The following ETFA variants were observed in gnomAD, a reference collection of about 807,000 sequenced individuals.
ETFA encodes electron transfer flavoprotein subunit alpha, mitochondrial.
ETFA carries 22 observed loss-of-function variants against 46.2 expected under a neutral mutation model. The ratio of observed to expected loss-of-function variants is 0.48; its 90% CI spans 0.34 to 0.68. ETFA has a LOEUF of 0.68. Ranked by LOEUF, ETFA falls within the 30% of genes least tolerant of loss-of-function variation. The pLI is 0.01. For synonymous variants in ETFA, 131 were observed against 139.9 expected (o/e 0.94, Z 0.45); for missense variants, 345 against 401.1 (o/e 0.86, Z 1.19).
intron 1 of ETFA, among the ~76,000 whole-genome samples, chr15:76,308,955 T>C (rs2039962318): frequency 6.6e-6 from 1 of 152,258 alleles, no homozygotes; most frequent in Non-Finnish European, 1.5e-5. Flanking sequence ...ACTGCTAACA[T>C]GCTGGGAAAA....
chr15:76,263,868 G>A (rs1223744867), intron 9 of ETFA, among the ~76,000 whole-genome samples: 1 of 152,170 alleles, frequency 6.6e-6, no homozygotes, highest in Non-Finnish European at 1.5e-5. Context: ...ACTAAAAAAA[G>A]TATGTTTTAC....
intron 10 of ETFA, chr15:76,230,952 C>G (rs532073435): frequency 1.1e-5 from 2 of 182,390 alleles, no homozygotes; most frequent in East Asian, 3.0e-4. Context: ...ATAAGTTACA[C>G]GTTCAGAACC....
At chr15:76,252,371 C>T (rs901696875) in intron 9 of ETFA, among the ~76,000 whole-genome samples, 8 of 152,126 alleles carry the variant, frequency 5.3e-5, no homozygotes, top group African/African-American at 1.9e-4. Flanking sequence ...TTTATTTACA[C>T]ACTCTCACCT....
At chr15:76,258,285 C>T (rs903796985) in intron 9 of ETFA, among the ~76,000 whole-genome samples, 7 of 152,156 alleles carry the variant, frequency 4.6e-5, no homozygotes, top group Non-Finnish European at 8.8e-5. Flanking sequence ...GGGCAAGCCT[C>T]ATAGCACCCC....
At chr15:76,281,925 A>C (rs2039657770) in intron 8 of ETFA, among the ~76,000 whole-genome samples, 1 of 107,174 alleles carries the variant, frequency 9.3e-6, no homozygotes, top group Non-Finnish European at 1.8e-5. Flanking sequence ...TTTTTTCCAG[A>C]CGGCATCTCA....
chr15:76,287,985 G>A, intron 4 of ETFA, 40 bp from the exon 5 acceptor site: 2 of 1,200,948 alleles, frequency 1.7e-6, no homozygotes, highest in Non-Finnish European at 2.5e-6. Context: ...CACATACATA[G>A]TGATGGAAGA....
chr15:76,296,745 T>C (rs1282403430), intron 1 of ETFA, among the ~76,000 whole-genome samples: 2 of 152,328 alleles, frequency 1.3e-5, no homozygotes, highest in South Asian at 2.1e-4. Flanking sequence ...TTCATGGTCA[T>C]GTGGAATAAT....
chr15:76,260,567 A>G (rs1487243698), intron 9 of ETFA: 1 of 1,497,080 alleles, frequency 6.7e-7, no homozygotes, highest in Non-Finnish European at 9.2e-7. Context: ...AGCCTGTCAA[A>G]TTGGCCCTGG....
chr15:76,290,071 T>G (rs924952695), intron 4 of ETFA, among the ~76,000 whole-genome samples: 10 of 152,314 alleles, frequency 6.6e-5, no homozygotes, highest in Admixed American at 6.5e-4. Context: ...AATGTTAAAA[T>G]GTATACTACC....
chr15:76,291,203 T>C (rs1199788952), intron 4 of ETFA, among the ~76,000 whole-genome samples: 1 of 151,678 alleles, frequency 6.6e-6, no homozygotes, highest in African/African-American at 2.4e-5. Context: ...GCAACAGAGC[T>C]AGGCTGAAGC....
intron 3 of ETFA, 40 bp from the exon 4 acceptor site, chr15:76,292,553 T>G (rs1053673444): frequency 6.3e-7 from 1 of 1,590,518 alleles, no homozygotes; most frequent in Non-Finnish European, 8.6e-7. Context: ...TATTTTGAAA[T>G]ACTTTCATAT....
At chr15:76,291,677 G>A (rs936009496) in intron 4 of ETFA, among the ~76,000 whole-genome samples, 1 of 151,858 alleles carries the variant, frequency 6.6e-6, no homozygotes, top group Non-Finnish European at 1.5e-5. Context: ...GTGAACCCCG[G>A]GGGGCGGAGC....
At position 76,243,112 on chromosome 15, in the gene ETFA, A is replaced by G. The variant is rs140689594; in HGVS notation, c.817-11714T>C. On this transcript the variant is annotated intron_variant, in intron 9 of 11. Coordinates refer to ENST00000557943, the MANE Select transcript of ETFA (RefSeq NM_000126.4). ...AGGAGTTCAAGACCAGACTGTCAAC[A>G]TGGTGAAACACTGTTTCTATGAAAA... Among the ~76,000 whole-genome samples the G allele has an allele frequency of 4.0e-3, 602 of 152,288 alleles. 3 individuals carry two copies. The highest frequency in any genetic ancestry group is 0.014 in the African/African-American group (570 of 41,560).
At chr15:76,226,107 TTC>T in intron 10 of ETFA, 178 bp from the exon 11 acceptor site, 7 of 589,400 alleles carry the variant, frequency 1.2e-5, no homozygotes, top group Non-Finnish European at 1.8e-5. Flanking sequence ...TGTAATAAAA[TTC>T]TCTCTTACCC....
At chr15:76,274,120 G>C (rs2039569506) in intron 9 of ETFA, 3 of 376,438 alleles carry the variant, frequency 8.0e-6, no homozygotes, top group Non-Finnish European at 1.5e-5. Flanking sequence ...ATAAATCTGA[G>C]TTGATAAAAT....
chr15:76,305,819 A>C (rs888839615), intron 1 of ETFA, among the ~76,000 whole-genome samples: 31 of 151,998 alleles, frequency 2.0e-4, no homozygotes, highest in African/African-American at 7.5e-4. Context: ...GGCTAAGTCC[A>C]ATGAACACAT....
At chr15:76,248,888 A>AT (rs1341625671) in intron 9 of ETFA, among the ~76,000 whole-genome samples, 1 of 151,972 alleles carries the variant, frequency 6.6e-6, no homozygotes, top group Non-Finnish European at 1.5e-5. Flanking sequence ...AAAAATAAAA[A>AT]AAAAAAATTC....
At chr15:76,217,624 C>G (rs1176041215) in intron 11 of ETFA, 2 of 455,748 alleles carry the variant, frequency 4.4e-6, no homozygotes, top group Non-Finnish European at 8.8e-6. Context: ...ACTGGAGCTT[C>G]CAGTGTAGAG....
At chr15:76,255,664 T>C (rs1193906342) in intron 9 of ETFA, among the ~76,000 whole-genome samples, 2 of 152,256 alleles carry the variant, frequency 1.3e-5, no homozygotes. Flanking sequence ...TTGTCCAGTA[T>C]TGATATCAAG....
Sources: gnomAD v4.1 joint callset for allele counts (sites outside exome capture counted in the v4.1 genomes callset) on GRCh38, gnomAD v4.1.1 for gene constraint, MANE v1.5 for transcripts, NCBI Gene and HGNC (gene_info 2026-07-23, HGNC 2026-07-21) for gene names.